Variants in IL1RAPL2 observed in about 807,000 individuals in gnomAD.
IL1RAPL2 encodes the protein X-linked interleukin-1 receptor accessory protein-like 2.
A neutral mutation model predicts 44.1 loss-of-function variants in IL1RAPL2; 3 were observed. The observed-to-expected ratio is 0.07, with a 90% CI of 0.03 to 0.18. The LOEUF (loss-of-function observed/expected upper bound fraction) is 0.18. Ranked by LOEUF, IL1RAPL2 falls within the 10% of genes least tolerant of loss-of-function variation. The probability of loss-of-function intolerance (pLI) is 1.00; values close to 1 mark genes in which losing one functional copy is unlikely to be tolerated. For synonymous variants in IL1RAPL2, 181 were observed against 178.8 expected, an observed-to-expected ratio of 1.01 and a Z score of -0.10; for missense variants, 391 against 496.4, an observed-to-expected ratio of 0.79 and a Z score of 2.02.
intron 2 of IL1RAPL2, among the ~76,000 whole-genome samples, chrX:105,179,225 A>G (rs887285756): frequency 6.2e-5 from 7 of 112,151 alleles, no homozygotes; most frequent in Non-Finnish European, 1.3e-4. Context: ...CAATTTTCCC[A>G]GCACCATTTA....
chrX:105,599,590 A>G (rs990144518), intron 6 of IL1RAPL2, among the ~76,000 whole-genome samples: 1 of 111,369 alleles, frequency 9.0e-6, no homozygotes, highest in Admixed American at 9.6e-5. Context: ...TAATCAAGAC[A>G]AATAATATTA....
At chrX:105,168,414 GGTGTGTGT>G (rs57882187) in intron 2 of IL1RAPL2, among the ~76,000 whole-genome samples, 43,412 of 88,952 alleles carry the variant, frequency 0.49, 10,050 homozygotes, top group East Asian at 0.62. Context: ...AACCATAGGA[GGTGTGTGT>G]GTGTGTGTGT....
intron 4 of IL1RAPL2, among the ~76,000 whole-genome samples, chrX:105,263,118 CAT>C (rs1273311849): frequency 2.1e-4 from 23 of 110,582 alleles, no homozygotes; most frequent in Middle Eastern, 4.6e-3. Flanking sequence ...CTCCTGACCT[CAT>C]GTGATCCACC....
At chrX:105,639,643 C>A (rs1191415368) in intron 6 of IL1RAPL2, among the ~76,000 whole-genome samples, 1 of 111,473 alleles carries the variant, frequency 9.0e-6, no homozygotes, top group African/African-American at 3.3e-5. Context: ...TTTATAATTT[C>A]ATTTACCTTT....
At chrX:104,736,584 T>A (rs1440536193) in intron 2 of IL1RAPL2, among the ~76,000 whole-genome samples, 1 of 112,308 alleles carries the variant, frequency 8.9e-6, no homozygotes, top group Non-Finnish European at 1.9e-5. Flanking sequence ...TCTATCTGCA[T>A]TTCCTGGTGC....
intron 2 of IL1RAPL2, among the ~76,000 whole-genome samples, chrX:104,669,598 C>T (rs1442378021): frequency 3.6e-5 from 4 of 111,547 alleles, no homozygotes; most frequent in Non-Finnish European, 7.5e-5. Context: ...GTGCAAGTAC[C>T]ACTCCCAGAG....
intron 2 of IL1RAPL2, among the ~76,000 whole-genome samples, chrX:104,990,319 G>T (rs913037118): frequency 8.9e-6 from 1 of 111,925 alleles, no homozygotes; most frequent in African/African-American, 3.2e-5. Context: ...TGGGTAATGG[G>T]ATATTCTTCC....
intron 5 of IL1RAPL2, among the ~76,000 whole-genome samples, chrX:105,346,965 CT>C (rs1312797587): frequency 9.0e-6 from 1 of 111,592 alleles, no homozygotes; most frequent in Admixed American, 9.5e-5. Flanking sequence ...AGAAAAAAGG[CT>C]TGATGTCAAG....
At chrX:104,674,303 C>T (rs1930690922) in intron 2 of IL1RAPL2, among the ~76,000 whole-genome samples, 3 of 111,662 alleles carry the variant, frequency 2.7e-5, no homozygotes, top group Non-Finnish European at 5.6e-5. Context: ...GAGTTTTTAG[C>T]ATGAAGGGTT....
At chrX:104,902,585 A>T (rs1923852075) in intron 2 of IL1RAPL2, among the ~76,000 whole-genome samples, 1 of 112,046 alleles carries the variant, frequency 8.9e-6, no homozygotes, top group Non-Finnish European at 1.9e-5. Context: ...TACCTTTTAA[A>T]ATTATTTCAG....
At chrX:105,531,567 C>A (rs1157367819) in intron 6 of IL1RAPL2, among the ~76,000 whole-genome samples, 1 of 111,203 alleles carries the variant, frequency 9.0e-6, no homozygotes, top group African/African-American at 3.3e-5. Flanking sequence ...TTGATGTGAT[C>A]CCACTTGTCC....
Position 104,879,463 on chromosome X carries a change from A to G in IL1RAPL2, c.82+220468A>G, listed in dbSNP as rs572908940. On this transcript the variant is annotated intron_variant, in intron 2 of 10. Transcript: ENST00000372582. ...CATTTTCTTGCAATATTAATGAGAA[A>G]GTCAAGCATCATGTTTGTGCCAAAT... 2.7e-3 allele frequency among the ~76,000 whole-genome samples: 293 copies of G among 110,159 alleles called. 1 individual carries two copies. Among genetic ancestry groups the G allele is most frequent in the Middle Eastern group, 0.023 (5 of 213 alleles).
At chrX:105,093,565 A>G (rs991831241) in intron 2 of IL1RAPL2, among the ~76,000 whole-genome samples, 2 of 111,976 alleles carry the variant, frequency 1.8e-5, no homozygotes, top group Admixed American at 9.5e-5. Flanking sequence ...GTACCTATTC[A>G]GAAGTGGAGA....
intron 2 of IL1RAPL2, among the ~76,000 whole-genome samples, chrX:104,755,487 A>G (rs1004100784): frequency 2.7e-5 from 3 of 110,309 alleles, no homozygotes; most frequent in Non-Finnish European, 5.7e-5. Flanking sequence ...GTTTACCTAT[A>G]TAACAAACAT....
intron 5 of IL1RAPL2, among the ~76,000 whole-genome samples, chrX:105,438,107 T>TCAGC (rs968566713): frequency 8.0e-5 from 9 of 111,865 alleles, no homozygotes; most frequent in Non-Finnish European, 1.3e-4. Context: ...ATTAATGTTA[T>TCAGC]CAGCTCTTCA....
chrX:104,997,931 T>C (rs886934026), intron 2 of IL1RAPL2, among the ~76,000 whole-genome samples: 3 of 111,137 alleles, frequency 2.7e-5, no homozygotes, highest in African/African-American at 9.8e-5. Context: ...CATAAGACTC[T>C]GAAATTTGGG....
intron 2 of IL1RAPL2, among the ~76,000 whole-genome samples, chrX:104,669,376 A>AT (rs943804670): frequency 5.5e-5 from 6 of 109,864 alleles, no homozygotes; most frequent in Admixed American, 4.9e-4. Context: ...CTTTCTGGCC[A>AT]TTTTTTCCCG....
chrX:105,035,015 A>G (rs1163422450), intron 2 of IL1RAPL2, among the ~76,000 whole-genome samples: 6 of 14,096 alleles, frequency 4.3e-4, no homozygotes, highest in African/African-American at 1.9e-3. Context: ...TCAGCGAGAC[A>G]CTGTGGGCAT....
At chrX:105,295,216 G>A (rs376880638) in intron 5 of IL1RAPL2, among the ~76,000 whole-genome samples, 6 of 111,521 alleles carry the variant, frequency 5.4e-5, no homozygotes, top group African/African-American at 2.0e-4. Context: ...AACCATGAAA[G>A]GTTTCTGAGC....
Sources: allele counts gnomAD v4.1 joint callset (sites outside exome capture counted in the v4.1 genomes callset), GRCh38; gene constraint gnomAD v4.1.1; transcripts MANE v1.5; gene names NCBI Gene and HGNC (gene_info 2026-07-23, HGNC 2026-07-21).